The following LINGO2 variants were observed in gnomAD, a reference collection of about 807,000 sequenced individuals.
LINGO2 encodes the protein leucine rich repeat and Ig domain containing 2.
LINGO2 carries 14 observed loss-of-function variants against 30.6 expected under a neutral mutation model. The ratio of observed to expected loss-of-function variants is 0.46; its 90% CI spans 0.30 to 0.72. The LOEUF is 0.72. Among genes scored for constraint, LINGO2 ranks in the 30% least tolerant of loss-of-function variants. The pLI, the probability that LINGO2 is intolerant of heterozygous loss-of-function variation, is 0.07. For missense variants in LINGO2, 729 were observed against 751.7 expected (o/e 0.97, Z 0.35); for synonymous variants, 317 against 288.5 (o/e 1.10, Z -1.00).
the LINGO2 span, among the ~76,000 whole-genome samples, chr9:28,937,387 C>CG: frequency 6.6e-6 from 1 of 152,058 alleles, no homozygotes; most frequent in East Asian, 1.9e-4. Flanking sequence ...AATGGTAGGA[C>CG]GGACATAGGA....
At chr9:28,300,707 T>C (rs1437360357) in intron 3 of LINGO2, among the ~76,000 whole-genome samples, 2 of 152,078 alleles carry the variant, frequency 1.3e-5, no homozygotes, top group East Asian at 3.9e-4. Flanking sequence ...TTTCACCTTC[T>C]TCATTTCAAC....
intron 3 of LINGO2, among the ~76,000 whole-genome samples, chr9:28,321,061 T>A (rs983970959): frequency 3.9e-5 from 6 of 152,100 alleles, no homozygotes; most frequent in Admixed American, 1.3e-4. Context: ...TTTGTTAATT[T>A]TTTTTAAATA....
At chr9:28,608,799 T>C (rs1195464749) in intron 1 of LINGO2, among the ~76,000 whole-genome samples, 1 of 151,994 alleles carries the variant, frequency 6.6e-6, no homozygotes, top group African/African-American at 2.4e-5. Context: ...TCGTTTATAT[T>C]ATTCCTTGCT....
chr9:28,032,156 G>C (rs1563927991), intron 4 of LINGO2, among the ~76,000 whole-genome samples: 2 of 152,130 alleles, frequency 1.3e-5, no homozygotes, highest in East Asian at 3.9e-4. Context: ...CTGTCATGAA[G>C]TAGGTAATAT....
the LINGO2 span, among the ~76,000 whole-genome samples, chr9:28,963,553 C>CACACACACACAT: frequency 1.3e-5 from 2 of 150,944 alleles, no homozygotes; most frequent in African/African-American, 4.9e-5. Context: ...TACACACACA[C>CACACACACACAT]ACACACACAC....
chr9:28,276,573 G>C (rs189034679), intron 4 of LINGO2, among the ~76,000 whole-genome samples: 4 of 152,272 alleles, frequency 2.6e-5, no homozygotes, highest in Non-Finnish European at 5.9e-5. Flanking sequence ...ATACTCTTCT[G>C]ATCTCCCTTC....
At chr9:28,851,663 G>T in the LINGO2 span, among the ~76,000 whole-genome samples, 11 of 151,842 alleles carry the variant, frequency 7.2e-5, no homozygotes, top group African/African-American at 2.7e-4. Flanking sequence ...CATATTTGAG[G>T]TAATACAGTA....
the LINGO2 span, among the ~76,000 whole-genome samples, chr9:29,163,161 C>G: frequency 3.3e-5 from 5 of 152,122 alleles, no homozygotes; most frequent in African/African-American, 1.2e-4. Flanking sequence ...AACTAGAATA[C>G]TCATCATGCC....
chr9:28,639,940 T>C (rs552622698), intron 1 of LINGO2, among the ~76,000 whole-genome samples: 100 of 151,998 alleles, frequency 6.6e-4, no homozygotes, highest in African/African-American at 2.2e-3. Context: ...ATTTGGCATG[T>C]TTTTGCAGTG....
chr9:28,389,378 T>C (rs181657771), intron 2 of LINGO2, among the ~76,000 whole-genome samples: 4 of 152,350 alleles, frequency 2.6e-5, no homozygotes, highest in Non-Finnish European at 5.9e-5. Context: ...CAGAGATTTC[T>C]AACCACAGAT....
At chr9:28,362,425 G>A (rs1820486671) in intron 3 of LINGO2, among the ~76,000 whole-genome samples, 1 of 150,206 alleles carries the variant, frequency 6.7e-6, no homozygotes, top group Non-Finnish European at 1.5e-5. Context: ...AGAATCAAAA[G>A]AAAAGAGGAA....
At chr9:29,160,763 T>C in the LINGO2 span, among the ~76,000 whole-genome samples, 2 of 152,220 alleles carry the variant, frequency 1.3e-5, no homozygotes, top group East Asian at 3.8e-4. Flanking sequence ...ACAGATTCTT[T>C]GAAGAAAAAT....
the LINGO2 span, among the ~76,000 whole-genome samples, chr9:29,180,634 G>A: frequency 6.6e-6 from 1 of 152,080 alleles, no homozygotes; most frequent in Non-Finnish European, 1.5e-5. Context: ...CTTTTTCAAA[G>A]CTTTTAAACC....
At chr9:27,964,774 C>T (rs1820015375) in intron 5 of LINGO2, among the ~76,000 whole-genome samples, 1 of 152,058 alleles carries the variant, frequency 6.6e-6, no homozygotes, top group Non-Finnish European at 1.5e-5. Flanking sequence ...CAATCAAGAG[C>T]TATCCTGCAT....
chr9:28,925,458 G>T, the LINGO2 span, among the ~76,000 whole-genome samples: 25,250 of 152,078 alleles, frequency 0.17, 2,190 homozygotes, highest in East Asian at 0.28. Flanking sequence ...CAACACTGGG[G>T]CGTGGTGGTT....
chr9:28,616,451 A>G (rs2135805234), intron 1 of LINGO2, among the ~76,000 whole-genome samples: 2 of 152,274 alleles, frequency 1.3e-5, no homozygotes, highest in African/African-American at 4.8e-5. Context: ...AAGGTGACAA[A>G]AGATGGTTGA....
At chr9:29,011,522 A>T in the LINGO2 span, among the ~76,000 whole-genome samples, 2 of 152,136 alleles carry the variant, frequency 1.3e-5, no homozygotes, top group African/African-American at 4.8e-5. Flanking sequence ...AGTGAATGTA[A>T]TTTTTCAGAA....
intron 4 of LINGO2, among the ~76,000 whole-genome samples, chr9:28,240,844 T>C (rs1821758355): frequency 6.6e-6 from 1 of 152,036 alleles, no homozygotes; most frequent in Non-Finnish European, 1.5e-5. Flanking sequence ...AAGTTTTAAG[T>C]TTAAAAAGCA....
the LINGO2 span, among the ~76,000 whole-genome samples, chr9:29,192,632 G>A: frequency 1.3e-5 from 2 of 152,180 alleles, no homozygotes; most frequent in South Asian, 4.2e-4. Flanking sequence ...TCTTCGCTCT[G>A]AACACTAGAG....
Sources: allele counts gnomAD v4.1 joint callset (sites outside exome capture counted in the v4.1 genomes callset), GRCh38; gene constraint gnomAD v4.1.1; transcripts MANE v1.5; gene names NCBI Gene and HGNC (gene_info 2026-07-23, HGNC 2026-07-21).